NEK11: variants seen among roughly 807,000 people sequenced by gnomAD.
NEK11 encodes the protein serine/threonine-protein kinase Nek11.
NEK11 carries 72 observed loss-of-function variants against 80.7 expected under a neutral mutation model. The observed-to-expected ratio is 0.89, with a 90% CI of 0.74 to 1.08. The LOEUF is 1.08. NEK11 is among the 50% of genes least tolerant of loss of function. The pLI is 0.00. For missense variants in NEK11, 764 were observed against 763.6 expected (o/e 1.00, Z -0.01); for synonymous variants, 251 against 260.7 (o/e 0.96, Z 0.36).
At chr3:131,072,211 T>C (rs958807275) in intron 3 of NEK11, 1 of 152,218 alleles carries the variant, frequency 6.6e-6, no homozygotes, top group African/African-American at 2.4e-5. Flanking sequence ...ATCAGGGACG[T>C]TGGGGCCTTC....
chr3:131,074,080 T>A (rs973413172), intron 3 of NEK11, among the ~76,000 whole-genome samples: 2 of 152,164 alleles, frequency 1.3e-5, no homozygotes, highest in African/African-American at 4.8e-5. Context: ...GTGATAACTG[T>A]CTTGATGATA....
intron 3 of NEK11, chr3:131,072,462 G>A (rs2073556803): frequency 6.6e-6 from 1 of 152,158 alleles, no homozygotes; most frequent in Admixed American, 6.5e-5. Flanking sequence ...TAGGGGTGTT[G>A]GGGGATGACT....
intron 3 of NEK11, among the ~76,000 whole-genome samples, chr3:131,066,864 G>GA (rs2072115088): frequency 6.9e-6 from 1 of 145,634 alleles, no homozygotes; most frequent in African/African-American, 2.5e-5. Flanking sequence ...AAAAAGAAAA[G>GA]AAAAAGAGGA....
intron 17 of NEK11, among the ~76,000 whole-genome samples, chr3:131,289,102 G>A (rs576634504): frequency 4.9e-4 from 74 of 152,306 alleles, no homozygotes; most frequent in African/African-American, 1.7e-3. Flanking sequence ...TTTGAAGGCT[G>A]GAAGTCCAAG....
At chr3:131,279,771 G>C (rs915291148) in intron 17 of NEK11, among the ~76,000 whole-genome samples, 6 of 152,162 alleles carry the variant, frequency 3.9e-5, no homozygotes, top group Non-Finnish European at 5.9e-5. Context: ...ATAGTCATAT[G>C]CTAGAGCCTT....
At position 131,349,713 on chromosome 3, in the gene NEK11, G is replaced by A. The variant is rs1171452951; in HGVS notation, c.1875G>A (p.Leu625=). Residue 625 remains leucine (L), a synonymous_variant, in exon 18 of 18, where the codon CTG becomes CTA. Coordinates refer to ENST00000383366, the MANE Select transcript of NEK11 (RefSeq NM_024800.5). The part of the protein sequence containing the change: ...ASDCFEVDQL[L]YFEEQLLITM... ...ACTGTTTTGAAGTGGACCAGCTCCT[G>A]TACTTTGAAGAGCAGTTGCTGATCA... 1.9e-6 allele frequency: 3 copies of A among 1,614,070 alleles called. No individual in the cohort carries two copies. The highest frequency in any genetic ancestry group is 2.7e-5 in the African/African-American group (2 of 74,934).
intron 16 of NEK11, among the ~76,000 whole-genome samples, chr3:131,268,073 T>C (rs988209544): frequency 6.6e-6 from 1 of 152,252 alleles, no homozygotes; most frequent in African/African-American, 2.4e-5. Context: ...CTATTGATAC[T>C]TGTGTATGTT....
At chr3:131,074,955 G>C (rs2074092796) in intron 3 of NEK11, among the ~76,000 whole-genome samples, 1 of 152,124 alleles carries the variant, frequency 6.6e-6, no homozygotes, top group Non-Finnish European at 1.5e-5. Flanking sequence ...CACATGGCAT[G>C]GTATTTGGCA....
chr3:131,039,364 A>G (rs2066113767), intron 3 of NEK11, among the ~76,000 whole-genome samples: 1 of 152,238 alleles, frequency 6.6e-6, no homozygotes, highest in Non-Finnish European at 1.5e-5. Context: ...AACACCCTCA[A>G]GTATAATCTG....
intron 3 of NEK11, among the ~76,000 whole-genome samples, chr3:131,062,627 T>G (rs1173449169): frequency 6.6e-6 from 1 of 152,218 alleles, no homozygotes; most frequent in Non-Finnish European, 1.5e-5. Flanking sequence ...CTTCTGTGAC[T>G]ATAGGTAAGT....
At chr3:131,273,435 G>A in intron 16 of NEK11, 43 bp from the exon 17 acceptor site, 2 of 1,499,782 alleles carry the variant, frequency 1.3e-6, no homozygotes, top group Non-Finnish European at 9.3e-7. Context: ...TGAAGTTGCA[G>A]GATTGCTGAT....
intron 3 of NEK11, among the ~76,000 whole-genome samples, chr3:131,055,678 T>C (rs2069335219): frequency 6.6e-6 from 1 of 152,120 alleles, no homozygotes; most frequent in East Asian, 1.9e-4. Flanking sequence ...TACAGCAAAC[T>C]ATGATTGCAC....
intron 14 of NEK11, among the ~76,000 whole-genome samples, chr3:131,172,539 G>GACAA (rs1341322939): frequency 6.6e-6 from 1 of 152,148 alleles, no homozygotes; most frequent in East Asian, 1.9e-4. Context: ...AGACATTCTT[G>GACAA]ACAAACAAAT....
At chr3:131,326,783 C>T (rs929197342) in intron 17 of NEK11, among the ~76,000 whole-genome samples, 1 of 152,194 alleles carries the variant, frequency 6.6e-6, no homozygotes, top group African/African-American at 2.4e-5. Flanking sequence ...CTAGGTCATG[C>T]TCTGTGCTGT....
chr3:131,233,050 C>T (rs562465000), intron 15 of NEK11, among the ~76,000 whole-genome samples: 213 of 150,220 alleles, frequency 1.4e-3, no homozygotes, highest in African/African-American at 5.0e-3. Context: ...GGATGAGAAC[C>T]TCAGGCTGCA....
At chr3:131,106,312 G>A (rs762738718) in intron 4 of NEK11, among the ~76,000 whole-genome samples, 5 of 141,146 alleles carry the variant, frequency 3.5e-5, no homozygotes, top group Admixed American at 1.4e-4. Flanking sequence ...CCCATCCTTC[G>A]TAAGAATGTT....
intron 14 of NEK11, among the ~76,000 whole-genome samples, chr3:131,187,061 C>A (rs561282560): frequency 6.6e-6 from 1 of 152,220 alleles, no homozygotes; most frequent in South Asian, 2.1e-4. Context: ...AAGGAAAAGT[C>A]TGTGCTTGTT....
chr3:131,085,945 T>C (rs2075918906), intron 4 of NEK11, among the ~76,000 whole-genome samples: 1 of 152,162 alleles, frequency 6.6e-6, no homozygotes, highest in Non-Finnish European at 1.5e-5. Flanking sequence ...AATTTGACAC[T>C]TTTGATGGGT....
At chr3:131,329,985 AT>A (rs1251616490) in intron 17 of NEK11, 1 of 152,302 alleles carries the variant, frequency 6.6e-6, no homozygotes, top group Non-Finnish European at 1.5e-5. Flanking sequence ...TGAGCTGACA[AT>A]AGACTGTAGA....
Sources: gnomAD v4.1 joint callset for allele counts (sites outside exome capture counted in the v4.1 genomes callset) on GRCh38, gnomAD v4.1.1 for gene constraint, MANE v1.5 for transcripts, NCBI Gene and HGNC (gene_info 2026-07-23, HGNC 2026-07-21) for gene names.